PCCA: variants seen among roughly 807,000 people sequenced by gnomAD.
PCCA encodes propionyl-CoA carboxylase alpha chain, mitochondrial.
Under a neutral mutation model 101.3 loss-of-function variants are expected in PCCA, and 74 were observed. That is an observed-to-expected ratio of 0.73 (90% CI 0.61 to 0.89). The LOEUF (loss-of-function observed/expected upper bound fraction) is 0.89. PCCA is among the 40% of genes least tolerant of loss of function. The probability of loss-of-function intolerance (pLI) is 0.00; values close to 1 mark genes in which losing one functional copy is unlikely to be tolerated. For missense variants in PCCA, 891 were observed against 907.0 expected (o/e 0.98, Z 0.23); for synonymous variants, 294 against 313.6 (o/e 0.94, Z 0.66).
At chr13:100,131,936 C>G (rs2050559200) in intron 4 of PCCA, among the ~76,000 whole-genome samples, 1 of 152,064 alleles carries the variant, frequency 6.6e-6, no homozygotes, top group Non-Finnish European at 1.5e-5. Context: ...AGGATCTGAA[C>G]CAGCCTGGGG....
rs572549657 is a variant in PCCA, at chr13:100,335,528, G to A, written c.1541-4629G>A. 5.9e-5 allele frequency among the ~76,000 whole-genome samples: 9 copies of A among 152,250 alleles called. No homozygotes were observed. The South Asian group carries it at 1.9e-3, about 32-fold the overall frequency. ...CAGATACCCTGGGAAATTCCTAAAG[G>A]TAGCACTACTGACCTAAAATATCTG... On this transcript the variant is annotated intron_variant, in intron 17 of 23. Coordinates refer to ENST00000376285, the MANE Select transcript of PCCA (RefSeq NM_000282.4).
chr13:100,401,485 A>G (rs2077358423), intron 19 of PCCA, among the ~76,000 whole-genome samples: 1 of 151,744 alleles, frequency 6.6e-6, no homozygotes, highest in African/African-American at 2.4e-5. Flanking sequence ...CTTGTGATCC[A>G]CCCACCTTGG....
chr13:100,303,119 A>G (rs2066191574), intron 14 of PCCA, 121 bp downstream of exon 14: 1 of 765,472 alleles, frequency 1.3e-6, no homozygotes, highest in Non-Finnish European at 2.4e-6. Context: ...ATTCATGGGA[A>G]TCATGGTTTT....
At chr13:100,210,546 A>G (rs1407436366) in intron 7 of PCCA, among the ~76,000 whole-genome samples, 1 of 152,204 alleles carries the variant, frequency 6.6e-6, no homozygotes, top group African/African-American at 2.4e-5. Context: ...TGGTATAGCT[A>G]TAGGTAATTG....
intron 6 of PCCA, among the ~76,000 whole-genome samples, chr13:100,176,804 T>C (rs182878721): frequency 6.6e-6 from 1 of 152,308 alleles, no homozygotes; most frequent in Non-Finnish European, 1.5e-5. Context: ...AGGAGCAACA[T>C]GGAAAATGTT....
At chr13:100,292,030 G>A (rs1257278653) in intron 12 of PCCA, among the ~76,000 whole-genome samples, 3 of 152,178 alleles carry the variant, frequency 2.0e-5, no homozygotes, top group Non-Finnish European at 2.9e-5. Context: ...AACTCTGGGG[G>A]AGATAGACAG....
chr13:100,214,397 C>A (rs1387018540), intron 7 of PCCA, among the ~76,000 whole-genome samples: 2 of 150,880 alleles, frequency 1.3e-5, no homozygotes, highest in Admixed American at 6.6e-5. Flanking sequence ...CTCGCATCAA[C>A]GTTTTATAGT....
intron 8 of PCCA, among the ~76,000 whole-genome samples, chr13:100,253,038 C>G (rs1421640601): frequency 6.6e-6 from 1 of 152,160 alleles, no homozygotes; most frequent in Non-Finnish European, 1.5e-5. Context: ...AGTTTAAATA[C>G]TAGTTTTCTC....
intron 22 of PCCA, among the ~76,000 whole-genome samples, chr13:100,525,852 A>C (rs1424241237): frequency 3.3e-5 from 5 of 152,230 alleles, no homozygotes; most frequent in African/African-American, 1.2e-4. Flanking sequence ...TGCAGTCCCC[A>C]GGAAGCTCCT....
intron 18 of PCCA, among the ~76,000 whole-genome samples, chr13:100,352,022 TAG>T (rs2073328300): frequency 6.6e-6 from 1 of 151,892 alleles, no homozygotes; most frequent in Non-Finnish European, 1.5e-5. Flanking sequence ...AAAATAGTAT[TAG>T]TAAAAGAAAA....
intron 19 of PCCA, among the ~76,000 whole-genome samples, chr13:100,382,578 A>G (rs1052014884): frequency 1.3e-5 from 2 of 152,202 alleles, no homozygotes; most frequent in East Asian, 1.9e-4. Context: ...CATTGTATCA[A>G]TATCAAACAA....
At chr13:100,112,930 A>G (rs1212705451) in intron 4 of PCCA, among the ~76,000 whole-genome samples, 2 of 152,182 alleles carry the variant, frequency 1.3e-5, no homozygotes, top group Non-Finnish European at 2.9e-5. Flanking sequence ...AAAAAATCCC[A>G]TGGGGAAAGA....
chr13:100,249,256 T>C (rs945952427), intron 8 of PCCA, among the ~76,000 whole-genome samples: 3 of 152,236 alleles, frequency 2.0e-5, no homozygotes, highest in African/African-American at 4.8e-5. Flanking sequence ...GAGATCCATT[T>C]TGAGTTAATT....
intron 19 of PCCA, among the ~76,000 whole-genome samples, chr13:100,415,070 G>A (rs896887586): frequency 6.6e-6 from 1 of 151,908 alleles, no homozygotes; most frequent in Admixed American, 6.6e-5. Context: ...GAGGAGGAGA[G>A]CGTTGAGTTG....
At chr13:100,440,234 A>T (rs1297268469) in intron 20 of PCCA, among the ~76,000 whole-genome samples, 1 of 141,462 alleles carries the variant, frequency 7.1e-6, no homozygotes, top group Admixed American at 7.5e-5. Flanking sequence ...TAAAATGCCC[A>T]GTGGGCCTAT....
At chr13:100,262,393 CAA>C (rs573486449) in intron 9 of PCCA, among the ~76,000 whole-genome samples, 5 of 123,282 alleles carry the variant, frequency 4.1e-5, no homozygotes, top group African/African-American at 1.2e-4. Context: ...GACTCTGTCT[CAA>C]AAAAAAAAAA....
chr13:100,506,476 C>G (rs1343437682), intron 21 of PCCA, among the ~76,000 whole-genome samples: 1 of 152,310 alleles, frequency 6.6e-6, no homozygotes, highest in South Asian at 2.1e-4. Flanking sequence ...TCTTTACTTT[C>G]GTTTACTCTG....
intron 4 of PCCA, among the ~76,000 whole-genome samples, chr13:100,141,743 A>C (rs2051900824): frequency 1.3e-5 from 2 of 152,160 alleles, no homozygotes; most frequent in Non-Finnish European, 1.5e-5. Flanking sequence ...TTGGTGTATA[A>C]GTCTTTCATA....
At chr13:100,309,422 A>G (rs890719059) in intron 15 of PCCA, among the ~76,000 whole-genome samples, 1 of 152,248 alleles carries the variant, frequency 6.6e-6, no homozygotes, top group Middle Eastern at 3.4e-3. Context: ...AAAGAAAGGA[A>G]AGTGTTAGCT....
Sources: allele counts gnomAD v4.1 joint callset (sites outside exome capture counted in the v4.1 genomes callset), GRCh38; gene constraint gnomAD v4.1.1; transcripts MANE v1.5; gene names NCBI Gene and HGNC (gene_info 2026-07-23, HGNC 2026-07-21).